Variants in DCC observed in about 807,000 individuals in gnomAD.
DCC encodes the protein netrin receptor DCC.
Under a neutral mutation model 172.5 loss-of-function variants are expected in DCC, and 58 were observed. That is an observed-to-expected ratio of 0.34 (90% CI 0.27 to 0.42). The LOEUF (loss-of-function observed/expected upper bound fraction) is 0.42. Ranked by LOEUF, DCC falls within the 10% of genes least tolerant of loss-of-function variation. DCC has a pLI of 1.00. For missense variants in DCC, 1,740 were observed against 1,791.0 expected (o/e 0.97, Z 0.51); for synonymous variants, 709 against 644.5 (o/e 1.10, Z -1.52).
chr18:52,731,823 T>C (rs1294202874), intron 1 of DCC, among the ~76,000 whole-genome samples: 3 of 152,202 alleles, frequency 2.0e-5, no homozygotes, highest in Non-Finnish European at 4.4e-5. Context: ...ATTTCCTTAA[T>C]GTCAGACAAT....
At position 53,127,204 on chromosome 18, in the gene DCC, G is replaced by A. The variant is rs546121686; in HGVS notation, c.1262-30152G>A. On this transcript the variant is annotated intron_variant, in intron 7 of 28. Transcript: ENST00000442544. ...TTTTTTTTGTAGGGATGGGGGTCTC[G>A]TTATGTTGCCCGGTCTGGTCTTGAA... Among the ~76,000 whole-genome samples, 43 of 144,730 alleles carry A rather than the reference G, an allele frequency of 3.0e-4. 1 individual carries two copies. The South Asian group carries it at 5.0e-3, about 17-fold the overall frequency. The allele number at this position is 144,730 out of a possible 152,430, so 94.9% of individuals were successfully genotyped here.
intron 9 of DCC, among the ~76,000 whole-genome samples, chr18:53,198,651 G>A (rs2055487562): frequency 6.6e-6 from 1 of 152,092 alleles, no homozygotes; most frequent in South Asian, 2.1e-4. Flanking sequence ...TGTTCCCAGT[G>A]CAAATAGTGA....
chr18:53,399,404 C>A (rs1036911117), intron 18 of DCC, among the ~76,000 whole-genome samples: 1 of 152,088 alleles, frequency 6.6e-6, no homozygotes, highest in South Asian at 2.1e-4. Context: ...TGCTACCAAG[C>A]TTTCATGATA....
chr18:52,978,971 G>C lies in DCC; in HGVS notation c.985+53601G>C, dbSNP rs1359565297. On this transcript the variant is annotated intron_variant, in intron 5 of 28. Transcript: ENST00000442544. ...AAAAATCCACTCCATGGGTCGATAG[G>C]CATTTAGGTTGGTTCCATATCTTTG... 2.0e-5 allele frequency among the ~76,000 whole-genome samples: 3 copies of C among 152,130 alleles called. No individual in the cohort carries two copies. In the East Asian group the frequency reaches 5.8e-4, roughly 29 times the overall value.
At chr18:52,556,540 G>A (rs942047767) in intron 1 of DCC, among the ~76,000 whole-genome samples, 2 of 152,048 alleles carry the variant, frequency 1.3e-5, no homozygotes, top group African/African-American at 2.4e-5. Flanking sequence ...GAGCAGAAAG[G>A]AAAATACCCC....
chr18:52,805,487 TAGGG>T (rs2038068806), intron 2 of DCC, among the ~76,000 whole-genome samples: 1 of 151,914 alleles, frequency 6.6e-6, no homozygotes, highest in Non-Finnish European at 1.5e-5. Flanking sequence ...ATGGAGAAGG[TAGGG>T]AGGAGAGAGA....
rs188252259 is a variant in DCC at position 52,417,612 on chromosome 18, T to G, written c.91+76734T>G. On this transcript the variant is annotated intron_variant, in intron 1 of 28. Coordinates refer to ENST00000442544, the MANE Select transcript of DCC (RefSeq NM_005215.4). ...CTCTAAACTTCCCTTCTCGCTTTAT[T>G]TCATTCATTTCATCTTCCATCACTG... Among the ~76,000 whole-genome samples the G allele has an allele frequency of 9.2e-5, 14 of 152,308 alleles. No homozygotes were observed. In the East Asian group the frequency reaches 2.7e-3, roughly 29 times the overall value.
chr18:52,637,368 G>A (rs2034801753), intron 1 of DCC, among the ~76,000 whole-genome samples: 1 of 152,108 alleles, frequency 6.6e-6, no homozygotes, highest in African/African-American at 2.4e-5. Flanking sequence ...AGCTAATCAG[G>A]GAGGGACTAG....
At chr18:53,136,587 A>G (rs1438579998) in intron 7 of DCC, among the ~76,000 whole-genome samples, 1 of 152,184 alleles carries the variant, frequency 6.6e-6, no homozygotes, top group African/African-American at 2.4e-5. Flanking sequence ...TAACAGAAAG[A>G]AGATCACAGG....
chr18:52,772,871 C>A (rs139083655), intron 2 of DCC, among the ~76,000 whole-genome samples: 1 of 152,290 alleles, frequency 6.6e-6, no homozygotes, highest in African/African-American at 2.4e-5. Context: ...CTCCTTCTTG[C>A]TTATCCTGGA....
At chr18:52,970,964 T>C (rs908325851) in intron 5 of DCC, among the ~76,000 whole-genome samples, 3 of 152,158 alleles carry the variant, frequency 2.0e-5, no homozygotes, top group African/African-American at 4.8e-5. Context: ...TTCTTTTGAA[T>C]TGAAACTCTG....
chr18:53,316,214 C>T (rs187561714), intron 13 of DCC, among the ~76,000 whole-genome samples: 15 of 152,230 alleles, frequency 9.9e-5, no homozygotes, highest in African/African-American at 3.4e-4. Context: ...ATAGGGAATC[C>T]TTTCCCCATT....
At chr18:52,875,197 A>G (rs111492235) in intron 2 of DCC, among the ~76,000 whole-genome samples, 2,310 of 151,540 alleles carry the variant, frequency 0.015, 54 homozygotes, top group African/African-American at 0.05. Flanking sequence ...AAAACAATAT[A>G]ATAAACAAAG....
intron 1 of DCC, among the ~76,000 whole-genome samples, chr18:52,458,865 G>A (rs1308263545): frequency 8.5e-5 from 13 of 152,130 alleles, no homozygotes; most frequent in Admixed American, 7.9e-4. Flanking sequence ...AAAGGGAGGA[G>A]AGTTAAAAAA....
intron 2 of DCC, among the ~76,000 whole-genome samples, chr18:52,892,014 G>T (rs1394839446): frequency 1.3e-5 from 2 of 152,166 alleles, no homozygotes; most frequent in Non-Finnish European, 1.5e-5. Flanking sequence ...ATAAAATGCA[G>T]ACTTACTAAA....
intron 1 of DCC, among the ~76,000 whole-genome samples, chr18:52,656,215 T>C (rs911979418): frequency 6.6e-6 from 1 of 151,600 alleles, no homozygotes; most frequent in Admixed American, 6.6e-5. Context: ...AAAGTGATGG[T>C]GTTAGGAGAT....
chr18:53,239,920 A>C (rs1218368178), intron 12 of DCC, among the ~76,000 whole-genome samples: 1 of 151,970 alleles, frequency 6.6e-6, no homozygotes, highest in Admixed American at 6.6e-5. Context: ...CATTTTAATC[A>C]GAACAAGGGC....
chr18:52,495,532 G>A (rs2030708617), intron 1 of DCC, among the ~76,000 whole-genome samples: 2 of 152,044 alleles, frequency 1.3e-5, no homozygotes, highest in Admixed American at 1.3e-4. Context: ...AAAATCTGAT[G>A]TCTTTAAGCA....
intron 1 of DCC, 127 bp from the exon 2 acceptor site, chr18:52,751,927 A>G: frequency 1.3e-6 from 1 of 773,004 alleles, no homozygotes; most frequent in Non-Finnish European, 2.1e-6. Flanking sequence ...TTTAGTTTTT[A>G]TTTATTCTTG....
Sources: gnomAD v4.1 joint callset for allele counts (sites outside exome capture counted in the v4.1 genomes callset) on GRCh38, gnomAD v4.1.1 for gene constraint, MANE v1.5 for transcripts, NCBI Gene and HGNC (gene_info 2026-07-23, HGNC 2026-07-21) for gene names.